Variants in TRIM66 observed in about 807,000 individuals in gnomAD.
TRIM66 encodes the protein tripartite motif containing 66, also known as tripartite motif-containing protein 66.
In TRIM66, 99 loss-of-function variants were observed where a neutral mutation model predicts 148.2. That is an observed-to-expected ratio of 0.67 (90% confidence interval 0.57 to 0.79). TRIM66 has a LOEUF of 0.79. TRIM66 is among the 30% of genes least tolerant of loss of function. The pLI, the probability that TRIM66 is intolerant of heterozygous loss-of-function variation, is 0.00. For missense variants in TRIM66, 1,666 were observed against 1,697.9 expected (o/e 0.98, Z 0.33); for synonymous variants, 616 against 635.9 (o/e 0.97, Z 0.47).
chr11:8,618,047 G>A (rs2033838384), intron 24 of TRIM66, 44 bp from the exon 25 acceptor site: 4 of 1,519,854 alleles, frequency 2.6e-6, no homozygotes, highest in Non-Finnish European at 3.6e-6. Flanking sequence ...GCCAAATGTA[G>A]GATTTATTAA....
At chr11:8,655,524 T>C (rs2037748589) in intron 6 of TRIM66, among the ~76,000 whole-genome samples, 1 of 152,168 alleles carries the variant, frequency 6.6e-6, no homozygotes, top group Non-Finnish European at 1.5e-5. Flanking sequence ...GGCTCATGCC[T>C]GTAATCCCAA....
At chr11:8,682,912 G>A (rs2039512901), upstream of TRIM66, 2 of 1,465,324 alleles carry the variant, frequency 1.4e-6, no homozygotes, top group South Asian at 2.7e-5. Flanking sequence ...ACCATGGTCG[G>A]GGCTTCCAGG....
intron 12 of TRIM66, among the ~76,000 whole-genome samples, chr11:8,644,731 T>C (rs2133157625): frequency 6.6e-6 from 1 of 152,332 alleles, no homozygotes; most frequent in Admixed American, 6.5e-5. Context: ...TCTCAGGCTA[T>C]GTTTTTATTT....
At chr11:8,630,721 CTTTT>C (rs775074135) in intron 15 of TRIM66, among the ~76,000 whole-genome samples, 3 of 152,132 alleles carry the variant, frequency 2.0e-5, no homozygotes, top group Non-Finnish European at 2.9e-5. Flanking sequence ...CCTCTTGCCT[CTTTT>C]TTGTCTCCTT....
At chr11:8,618,717 C>T (rs1481487828) in intron 24 of TRIM66, 33 bp downstream of exon 24, 2 of 1,540,998 alleles carry the variant, frequency 1.3e-6, no homozygotes, top group East Asian at 2.4e-5. Context: ...CTGATCACCG[C>T]CCACCTGCTG....
rs903612929 is a variant in TRIM66, at chr11:8,617,172, G to C, written c.*772C>G. On this transcript the variant is annotated 3_prime_UTR_variant, in exon 25 of 25. Coordinates refer to ENST00000646038, the MANE Select transcript of TRIM66 (RefSeq NM_001388022.1). ...TGATTAGCCCAGAGTAAGTAGCACA[G>C]AGGGCGGGCTCTGAAGTGGACATCT... 6.6e-6 allele frequency: 1 copy of C among 152,270 alleles called. No individual in the cohort carries two copies. The highest frequency in any genetic ancestry group is 1.5e-5 in the Non-Finnish European group (1 of 68,068). The allele number at this position is 152,270 out of a possible 1,614,324, so 9.4% of individuals were successfully genotyped here.
Position 8,645,895 on chromosome 11 carries a change from C to G in TRIM66, c.958-8G>C. The G allele has an allele frequency of 6.4e-7, 1 of 1,551,356 alleles. No individual in the cohort carries two copies. Among genetic ancestry groups the G allele is most frequent in the East Asian group, 2.4e-5 (1 of 40,916 alleles). ...TCTCTCATTAGTAATCCCCTGGGTA[C>G]AGAGAGAAGACAGAGTCCTTGATCC... On this transcript the variant is annotated splice_polypyrimidine_tract_variant and splice_region_variant and intron_variant, in intron 11 of 24. Transcript: ENST00000646038.
intron 4 of TRIM66, among the ~76,000 whole-genome samples, 183 bp from the exon 5 acceptor site, chr11:8,672,568 CA>C: frequency 6.6e-6 from 1 of 151,166 alleles, no homozygotes; most frequent in Admixed American, 6.6e-5. Flanking sequence ...TGGCAAATGG[CA>C]GAGTCCAAAT....
At position 8,620,054 on chromosome 11, in the gene TRIM66, G is replaced by C; in HGVS notation, c.3743C>G (p.Pro1248Arg). 1 of 1,551,712 alleles carries C rather than the reference G, an allele frequency of 6.4e-7. No homozygotes were observed. The highest frequency in any genetic ancestry group is 8.7e-7 in the Non-Finnish European group (1 of 1,146,960). The change falls in exon 22 of 25, where the codon CCC becomes CGC. Residue 1248 changes from proline to arginine, a missense_variant. Pro to Arg is a moderately radical substitution (Grantham distance 103). Coordinates refer to ENST00000646038, the MANE Select transcript of TRIM66 (RefSeq NM_001388022.1). ...LSLPFHEPVSPLARHYYQIIK... is the reference protein window; with the variant it reads ...LSLPFHEPVSRLARHYYQIIK... ...GAACAGCGTGGCCTTCCTTACCAGG[G>C]GGCTGACAGGTTCATGGAAGGGCAG... is the stretch of plus-strand genomic sequence containing the variant.
At chr11:8,622,924 A>G in intron 17 of TRIM66, 48 bp from the exon 18 acceptor site, 10 of 1,489,954 alleles carry the variant, frequency 6.7e-6, no homozygotes, top group South Asian at 1.2e-5. Flanking sequence ...TTGTGGCAAC[A>G]AACCCCGTCA....
At chr11:8,629,759 T>C (rs2035217661) in intron 15 of TRIM66, among the ~76,000 whole-genome samples, 1 of 152,190 alleles carries the variant, frequency 6.6e-6, no homozygotes, top group Non-Finnish European at 1.5e-5. Context: ...TCCCAAGATA[T>C]TGCATACTTG....
At chr11:8,682,845 C>A (rs771859983), upstream of TRIM66, 2 of 1,607,738 alleles carry the variant, frequency 1.2e-6, no homozygotes, top group Non-Finnish European at 1.7e-6. Context: ...GCCTCCTCTT[C>A]CTTGCCGGCG....
At chr11:8,633,554 A>G (rs1406182197) in intron 15 of TRIM66, among the ~76,000 whole-genome samples, 1 of 152,164 alleles carries the variant, frequency 6.6e-6, no homozygotes, top group African/African-American at 2.4e-5. Flanking sequence ...ACTCTTGAGT[A>G]GAAAGAGTGT....
intron 18 of TRIM66, among the ~76,000 whole-genome samples, chr11:8,622,365 C>CACACACACATATATATATATAT: frequency 2.2e-4 from 13 of 59,570 alleles, no homozygotes; most frequent in Admixed American, 4.7e-4. Flanking sequence ...CACACACACA[C>CACACACACATATATATATATAT]ATATATATAT....
At chr11:8,661,388 A>G (rs1167756628) in intron 6 of TRIM66, among the ~76,000 whole-genome samples, 1 of 152,220 alleles carries the variant, frequency 6.6e-6, no homozygotes, top group African/African-American at 2.4e-5. Flanking sequence ...TACAGGTAGG[A>G]TGAGTCTGGG....
rs541259377 is a variant in TRIM66 at position 8,658,711 on chromosome 11, C to T, written c.341-6808G>A. On this transcript the variant is annotated intron_variant, in intron 6 of 24. Coordinates refer to ENST00000646038, the MANE Select transcript of TRIM66 (RefSeq NM_001388022.1). ...CTGTCAGCCCCACACTGCTGCAGCACGCAGATGCCAGGCACACACTCTCAC... is the reference window on the plus strand; with the variant it reads ...CTGTCAGCCCCACACTGCTGCAGCATGCAGATGCCAGGCACACACTCTCAC... 162 of 945,796 alleles carry T rather than the reference C, an allele frequency of 1.7e-4. 1 individual carries two copies. In the South Asian group the frequency reaches 5.6e-3, roughly 33 times the overall value. The allele number at this position is 945,796 out of a possible 1,614,324, so 58.6% of individuals were successfully genotyped here. A position where few individuals can be genotyped will look rare whatever the true frequency, so the allele number is the denominator to read the frequency against.
chr11:8,634,487 A>C (rs2035701198), intron 15 of TRIM66, among the ~76,000 whole-genome samples: 1 of 152,128 alleles, frequency 6.6e-6, no homozygotes, highest in East Asian at 1.9e-4. Context: ...TGAGGAAAGG[A>C]TTGTGTGTAT....
At position 8,613,070 on chromosome 11, in the gene TRIM66, G is replaced by A. The variant is rs941729689; in HGVS notation, c.*4874C>T. The stretch of plus-strand genomic sequence containing the variant: ...CAGCAGGAGCTCATAAACATGGTTG[G>A]CATGAGGAGAACTGAGTTCAGGAAA... On this transcript the variant is annotated 3_prime_UTR_variant, in exon 25 of 25. Transcript: ENST00000646038. 1 of 152,370 alleles carries A rather than the reference G, an allele frequency of 6.6e-6. No individual in the cohort carries two copies. Among genetic ancestry groups the A allele is most frequent in the African/African-American group, 2.4e-5 (1 of 41,540 alleles). The allele number at this position is 152,370 out of a possible 1,614,324, so 9.4% of individuals were successfully genotyped here.
chr11:8,646,033 G>C, intron 11 of TRIM66, 146 bp from the exon 12 acceptor site: 1 of 758,582 alleles, frequency 1.3e-6, no homozygotes, highest in African/African-American at 1.8e-5. Flanking sequence ...GTGTTGCCAT[G>C]GGATGCTGGC....
Sources: gnomAD v4.1 joint callset for allele counts (sites outside exome capture counted in the v4.1 genomes callset) on GRCh38, gnomAD v4.1.1 for gene constraint, MANE v1.5 for transcripts, NCBI Gene and HGNC (gene_info 2026-07-23, HGNC 2026-07-21) for gene names.